The following PDIA5 variants were observed in gnomAD, a reference collection of about 807,000 sequenced individuals.
PDIA5 encodes the protein protein disulfide-isomerase A5.
In PDIA5, 58 loss-of-function variants were observed where a neutral mutation model predicts 77.6. The ratio of observed to expected loss-of-function variants is 0.75; its 90% CI spans 0.61 to 0.93. The LOEUF (loss-of-function observed/expected upper bound fraction) is 0.93, where lower values mean the gene tolerates loss of function less well. Among genes scored for constraint, PDIA5 ranks in the 40% least tolerant of loss-of-function variants. The probability of loss-of-function intolerance (pLI) is 0.00; values close to 1 mark genes in which losing one functional copy is unlikely to be tolerated. For synonymous variants in PDIA5, 250 were observed against 252.1 expected (o/e 0.99, Z 0.08); for missense variants, 630 against 647.7 (o/e 0.97, Z 0.30).
intron 3 of PDIA5, among the ~76,000 whole-genome samples, chr3:123,101,324 C>T (rs1686629643): frequency 6.6e-6 from 1 of 152,170 alleles, no homozygotes; most frequent in African/African-American, 2.4e-5. Context: ...CCAACAGGTT[C>T]CTGGATGATG....
intron 13 of PDIA5, among the ~76,000 whole-genome samples, chr3:123,148,787 G>A (rs1300811768): frequency 1.3e-5 from 2 of 152,158 alleles, no homozygotes; most frequent in East Asian, 1.9e-4. Context: ...CCCTATCCAG[G>A]GACAAATAGT....
At chr3:123,159,823 ACTCTT>A (rs1209956224) in intron 15 of PDIA5, among the ~76,000 whole-genome samples, 2 of 151,868 alleles carry the variant, frequency 1.3e-5, no homozygotes, top group Non-Finnish European at 2.9e-5. Context: ...GCCGCACCTC[ACTCTT>A]CTCTTCAGCT....
chr3:123,106,690 C>T, intron 5 of PDIA5, 59 bp from the exon 6 acceptor site: 2 of 1,237,594 alleles, frequency 1.6e-6, no homozygotes, highest in Admixed American at 1.7e-5. Context: ...TTCCTGATTC[C>T]CCCACCTCCC....
intron 8 of PDIA5, among the ~76,000 whole-genome samples, chr3:123,117,981 G>A (rs1272905938): frequency 6.6e-6 from 1 of 152,178 alleles, no homozygotes; most frequent in Non-Finnish European, 1.5e-5. Context: ...TGTGGCCAAA[G>A]CCCCATTAAG....
intron 6 of PDIA5, among the ~76,000 whole-genome samples, chr3:123,108,845 C>A (rs2107939631): frequency 6.6e-6 from 1 of 152,054 alleles, no homozygotes; most frequent in Non-Finnish European, 1.5e-5. Context: ...GAGATCATGC[C>A]ATTGCACTCC....
intron 7 of PDIA5, among the ~76,000 whole-genome samples, chr3:123,112,037 C>G (rs1166725082): frequency 3.3e-5 from 5 of 152,184 alleles, no homozygotes; most frequent in Admixed American, 3.3e-4. Context: ...CGAGCTATAC[C>G]AACAGAGTTG....
chr3:123,110,688 G>A (rs1934838752), intron 6 of PDIA5, among the ~76,000 whole-genome samples: 1 of 152,134 alleles, frequency 6.6e-6, no homozygotes, highest in Admixed American at 6.5e-5. Flanking sequence ...TTAGCTTGGG[G>A]CCTCAGTTTT....
chr3:123,125,819 G>A (rs970695338), intron 10 of PDIA5, among the ~76,000 whole-genome samples: 3 of 152,076 alleles, frequency 2.0e-5, no homozygotes, highest in Admixed American at 1.3e-4. Flanking sequence ...TGTCCCCATC[G>A]GCTACCTCAT....
chr3:123,118,468 G>C (rs903585967), intron 8 of PDIA5, among the ~76,000 whole-genome samples: 5 of 151,948 alleles, frequency 3.3e-5, no homozygotes, highest in African/African-American at 1.2e-4. Flanking sequence ...ATTCCAGCCA[G>C]ACCCACTGAA....
At chr3:123,155,095 T>A in intron 15 of PDIA5, 54 bp downstream of exon 15, 1 of 1,222,384 alleles carries the variant, frequency 8.2e-7, no homozygotes, top group Non-Finnish European at 1.2e-6. Flanking sequence ...TCCTACACCT[T>A]CCTTCTTGTC....
intron 2 of PDIA5, 142 bp from the exon 3 acceptor site, chr3:123,092,213 G>T: frequency 1.5e-6 from 1 of 655,756 alleles, no homozygotes. Flanking sequence ...TGAATGCAGG[G>T]ATGGGTGTTT....
chr3:123,117,011 T>G (rs1576450389), intron 8 of PDIA5, among the ~76,000 whole-genome samples: 8 of 136,030 alleles, frequency 5.9e-5, no homozygotes, highest in East Asian at 2.2e-4. Flanking sequence ...GAGCCTGGAG[T>G]GTTGTGGGGG....
intron 2 of PDIA5, among the ~76,000 whole-genome samples, chr3:123,091,649 G>T (rs1262246397): frequency 6.6e-6 from 1 of 152,144 alleles, no homozygotes; most frequent in African/African-American, 2.4e-5. Context: ...TTCCTTTCTT[G>T]TGATCACTCC....
At chr3:123,107,821 C>T (rs927502258) in intron 6 of PDIA5, among the ~76,000 whole-genome samples, 4 of 152,182 alleles carry the variant, frequency 2.6e-5, no homozygotes, top group Non-Finnish European at 5.9e-5. Context: ...TTTTTAGAGA[C>T]AGGATCTCGC....
At chr3:123,090,345 G>A (rs1934252033) in intron 2 of PDIA5, among the ~76,000 whole-genome samples, 2 of 152,344 alleles carry the variant, frequency 1.3e-5, no homozygotes, top group African/African-American at 2.4e-5. Context: ...CTGAAAACGT[G>A]TGGCTTGCTG....
In PDIA5 at chr3:123,125,457, C is replaced by T. The variant is rs1020465630; in HGVS notation, c.773+1114C>T. 3.3e-5 allele frequency among the ~76,000 whole-genome samples: 5 copies of T among 152,140 alleles called. No individual in the cohort carries two copies. The South Asian group carries it at 8.3e-4, about 25-fold the overall frequency. ...TGGGTCCCCGCCACCAACCCAGCTCCCTGCAGCCCCGACAGTCCAACTTAG... is the reference window on the plus strand; with the variant it reads ...TGGGTCCCCGCCACCAACCCAGCTCTCTGCAGCCCCGACAGTCCAACTTAG... On this transcript the variant is annotated intron_variant, in intron 10 of 16. Coordinates refer to ENST00000316218, the MANE Select transcript of PDIA5 (RefSeq NM_006810.4).
intron 10 of PDIA5, among the ~76,000 whole-genome samples, chr3:123,126,270 C>T (rs999879895): frequency 5.0e-4 from 76 of 151,676 alleles, no homozygotes; most frequent in Non-Finnish European, 1.0e-3. Context: ...ATTGCTCCGG[C>T]TGGCCTGCAC....
chr3:123,097,030 C>T (rs1197238882), intron 3 of PDIA5, among the ~76,000 whole-genome samples: 1 of 152,226 alleles, frequency 6.6e-6, no homozygotes, highest in East Asian at 1.9e-4. Flanking sequence ...ACCACATCTG[C>T]TTTCTTTCCT....
intron 1 of PDIA5, among the ~76,000 whole-genome samples, chr3:123,083,540 T>C (rs1313863273): frequency 6.6e-6 from 1 of 152,128 alleles, no homozygotes; most frequent in Non-Finnish European, 1.5e-5. Context: ...GGATCTTTTT[T>C]CTCTCCTCTA....
Sources: allele counts gnomAD v4.1 joint callset (sites outside exome capture counted in the v4.1 genomes callset), GRCh38; gene constraint gnomAD v4.1.1; transcripts MANE v1.5; gene names NCBI Gene and HGNC (gene_info 2026-07-23, HGNC 2026-07-21).